Variants in CEACAM5 observed in about 807,000 individuals in gnomAD.
CEACAM5 encodes CEA cell adhesion molecule 5.
Under a neutral mutation model 63.0 loss-of-function variants are expected in CEACAM5, and 52 were observed. That is an observed-to-expected ratio of 0.83 (90% CI 0.66 to 1.04). The LOEUF is 1.04. Ranked by LOEUF, CEACAM5 falls within the 50% of genes least tolerant of loss-of-function variation. The pLI is 0.00. For missense variants in CEACAM5, 790 were observed against 864.8 expected, an observed-to-expected ratio of 0.91 and a Z score of 1.08; for synonymous variants, 357 against 351.3, an observed-to-expected ratio of 1.02 and a Z score of -0.18.
chr19:41,713,825 C>T (rs1952381334), intron 2 of CEACAM5, among the ~76,000 whole-genome samples: 1 of 152,234 alleles, frequency 6.6e-6, no homozygotes, highest in South Asian at 2.1e-4. Context: ...CCCCCTTTTC[C>T]ACCAGTCAGT....
rs145108542 is a variant in CEACAM5, at chr19:41,719,784, C to T, written c.1493-146C>T. 2.3e-3 allele frequency: 3,351 copies of T among 1,432,218 alleles called. 42 individuals carry two copies. The African/African-American group carries it at 0.033, about 14-fold the overall frequency. 88.7% of individuals were successfully genotyped at this position (1,432,218 alleles called of 1,614,324 possible). A position where few individuals can be genotyped will look rare whatever the true frequency, so the allele number is the denominator to read the frequency against. On this transcript the variant is annotated intron_variant, in intron 6 of 9. Transcript: ENST00000221992. ...GTCTCTGAGCCCTCAGATCATCGTA[C>T]ATCTGTCTTGTGATACACACACCTG... is the stretch of plus-strand genomic sequence containing the variant.
chr19:41,712,945 T>G (rs7247317), intron 2 of CEACAM5, among the ~76,000 whole-genome samples: 78,595 of 152,060 alleles, frequency 0.52, 20,805 homozygotes, highest in African/African-American at 0.61. Flanking sequence ...TCCCAAATCC[T>G]AAAATCCAAA....
At chr19:41,722,887 T>C (rs180730617) in intron 8 of CEACAM5, among the ~76,000 whole-genome samples, 2 of 151,104 alleles carry the variant, frequency 1.3e-5, no homozygotes, top group African/African-American at 4.9e-5. Flanking sequence ...ATGTTAATTC[T>C]TTTTTTTGTT....
At chr19:41,728,424 T>G (rs561061022) in intron 9 of CEACAM5, among the ~76,000 whole-genome samples, 2 of 152,292 alleles carry the variant, frequency 1.3e-5, no homozygotes, top group South Asian at 2.1e-4. Flanking sequence ...GTAGCCAGGA[T>G]GGAGAAACCC....
chr19:41,721,552 A>C (rs1192759722), intron 8 of CEACAM5, among the ~76,000 whole-genome samples: 1 of 152,234 alleles, frequency 6.6e-6, no homozygotes, highest in East Asian at 1.9e-4. Flanking sequence ...TCTGTGAGCT[A>C]CAAGGAACAA....
At chr19:41,715,342 A>G in intron 3 of CEACAM5, 93 bp downstream of exon 3, 1 of 1,540,410 alleles carries the variant, frequency 6.5e-7, no homozygotes, top group Non-Finnish European at 9.0e-7. Flanking sequence ...GTTCAAGTAC[A>G]CAGACCCTCA....
intron 9 of CEACAM5, among the ~76,000 whole-genome samples, chr19:41,727,948 G>A (rs1489244952): frequency 2.0e-5 from 3 of 152,044 alleles, no homozygotes; most frequent in East Asian, 1.9e-4. Context: ...TCTTAGTTCC[G>A]GTGTTACACC....
chr19:41,717,014 C>G (rs1663950613), intron 4 of CEACAM5, among the ~76,000 whole-genome samples: 1 of 152,234 alleles, frequency 6.6e-6, no homozygotes, highest in Non-Finnish European at 1.5e-5. Flanking sequence ...CCATCATCAC[C>G]TATCTCTAGG....
rs945240888 is a variant in CEACAM5, at chr19:41,730,283, G to A, written c.*1136G>A. ...AAAATACAAAAAAAGTTAGCCGGGCGTGGTGGTGGGGGCCTGTAGTCCCAG... is the reference window on the plus strand; with the variant it reads ...AAAATACAAAAAAAGTTAGCCGGGCATGGTGGTGGGGGCCTGTAGTCCCAG... On this transcript the variant is annotated 3_prime_UTR_variant, in exon 10 of 10. Transcript: ENST00000221992. Among the ~76,000 whole-genome samples, 2 of 152,034 alleles carry A rather than the reference G, an allele frequency of 1.3e-5. No individual in the cohort carries two copies. Among genetic ancestry groups the A allele is most frequent in the Non-Finnish European group, 2.9e-5 (2 of 68,004 alleles).
At chr19:41,720,897 T>C in intron 7 of CEACAM5, 25 bp from the exon 8 acceptor site, 1 of 1,613,122 alleles carries the variant, frequency 6.2e-7, no homozygotes, top group Non-Finnish European at 8.5e-7. Context: ...TGACATCACC[T>C]GTGGCTTTGT....
intron 2 of CEACAM5, among the ~76,000 whole-genome samples, chr19:41,711,121 G>T (rs570109440): frequency 5.1e-4 from 77 of 152,166 alleles, no homozygotes; most frequent in African/African-American, 1.8e-3. Context: ...TTTTGTCTTG[G>T]GCATCCACAG....
chr19:41,721,109 T>A lies in CEACAM5; in HGVS notation c.1959T>A (p.Tyr653Ter). Residue 653 changes from tyrosine to a stop codon, truncating the protein, a stop_gained, in exon 8 of 10, where the codon TAT becomes TAA. Coordinates refer to ENST00000221992, the MANE Select transcript of CEACAM5 (RefSeq NM_004363.6). LOFTEE classifies it high-confidence loss of function. ...AKITPNNNGT[Y>*]ACFVSNLATG... Reference sequence around the variant, plus strand: ...TCACGCCAAATAATAACGGGACCTATGCCTGTTTTGTCTCTAACTTGGCTA... The same window carrying A: ...TCACGCCAAATAATAACGGGACCTAAGCCTGTTTTGTCTCTAACTTGGCTA... 1 of 1,614,244 alleles carries A rather than the reference T, an allele frequency of 6.2e-7. No homozygotes were observed. Among genetic ancestry groups the A allele is most frequent in the Non-Finnish European group, 8.5e-7 (1 of 1,180,048 alleles).
At chr19:41,725,906 T>C (rs1407879849) in intron 8 of CEACAM5, among the ~76,000 whole-genome samples, 1 of 152,178 alleles carries the variant, frequency 6.6e-6, no homozygotes, top group Non-Finnish European at 1.5e-5. Flanking sequence ...GTTGTAAAGT[T>C]AGGTTGTTGA....
chr19:41,721,664 G>A (rs1346203054), intron 8 of CEACAM5, among the ~76,000 whole-genome samples: 1 of 152,254 alleles, frequency 6.6e-6, no homozygotes, highest in Non-Finnish European at 1.5e-5. Context: ...TCTGCGCCCG[G>A]CTCACCCGGT....
chr19:41,720,936 C>A lies in CEACAM5; in HGVS notation c.1786C>A (p.Pro596Thr). 6.2e-7 allele frequency: 1 copy of A among 1,614,064 alleles called. No homozygotes were observed. The highest frequency in any genetic ancestry group is 8.5e-7 in the Non-Finnish European group (1 of 1,180,016). ...TLDVLYGPDT[P>T]IISPPDSSYL... ...CTTTGTTCCAGATGGGCCGGACACC[C>A]CCATCATTTCCCCCCCAGACTCGTC... Residue 596 changes from proline to threonine, a missense_variant, in exon 8 of 10, where the codon CCC (proline) becomes ACC (threonine). By Grantham distance (38) the Pro-to-Thr change is conservative (BLOSUM62 -1). Coordinates refer to ENST00000221992, the MANE Select transcript of CEACAM5 (RefSeq NM_004363.6).
chr19:41,721,466 G>GGTC (rs1223675796), intron 8 of CEACAM5, among the ~76,000 whole-genome samples: 7 of 152,238 alleles, frequency 4.6e-5, no homozygotes, highest in African/African-American at 1.7e-4. Context: ...AAGAAAGAAG[G>GGTC]GTCCTTAAGG....
chr19:41,711,408 G>A (rs1177004439), intron 2 of CEACAM5, among the ~76,000 whole-genome samples: 1 of 152,192 alleles, frequency 6.6e-6, no homozygotes, highest in Admixed American at 6.5e-5. Context: ...TTGCTCAGTA[G>A]CTCTCTCATG....
rs1274206209 is a variant in CEACAM5, at chr19:41,729,899, A to G, written c.*752A>G. The G allele has an allele frequency of 3.3e-5, 5 of 152,242 alleles. No homozygotes were observed. The highest frequency in any genetic ancestry group is 7.3e-5 in the Non-Finnish European group (5 of 68,046). 9.4% of individuals were successfully genotyped at this position (152,242 alleles called of 1,614,324 possible). On this transcript the variant is annotated 3_prime_UTR_variant, in exon 10 of 10. Coordinates refer to ENST00000221992, the MANE Select transcript of CEACAM5 (RefSeq NM_004363.6). ...GTAATATAGTTATTGCACAAGTTCAATAAAAATCTGCTCTTTGTATGACAG... is the reference window on the plus strand; with the variant it reads ...GTAATATAGTTATTGCACAAGTTCAGTAAAAATCTGCTCTTTGTATGACAG...
chr19:41,723,329 A>G (rs1020692620), intron 8 of CEACAM5, among the ~76,000 whole-genome samples: 2 of 152,206 alleles, frequency 1.3e-5, no homozygotes, highest in African/African-American at 4.8e-5. Flanking sequence ...CACCTCCTTG[A>G]AAACACTTAT....
Sources: gnomAD v4.1 joint callset for allele counts (sites outside exome capture counted in the v4.1 genomes callset) on GRCh38, gnomAD v4.1.1 for gene constraint, MANE v1.5 for transcripts, NCBI Gene and HGNC (gene_info 2026-07-23, HGNC 2026-07-21) for gene names.